The following MAF variants were observed in gnomAD, a reference collection of about 807,000 sequenced individuals.
The protein encoded by MAF is MAF bZIP transcription factor.
Under a neutral mutation model 22.0 loss-of-function variants are expected in MAF, and 10 were observed. The observed-to-expected ratio is 0.45, with a 90% CI of 0.28 to 0.77. The LOEUF (loss-of-function observed/expected upper bound fraction) is 0.77. MAF is among the 30% of genes least tolerant of loss of function. The pLI, the probability that MAF is intolerant of heterozygous loss-of-function variation, is 0.12. For synonymous variants in MAF, 337 were observed against 255.8 expected (o/e 1.32, Z -3.03); for missense variants, 544 against 548.4 (o/e 0.99, Z 0.08).
At chr16:79,498,896 C>T in the MAF span, among the ~76,000 whole-genome samples, 1 of 152,174 alleles carries the variant, frequency 6.6e-6, no homozygotes, top group African/African-American at 2.4e-5. Flanking sequence ...AGAGACACTT[C>T]AGCACCATCC....
the MAF span, among the ~76,000 whole-genome samples, chr16:79,309,647 T>G: frequency 5.3e-5 from 8 of 152,182 alleles, no homozygotes; most frequent in Non-Finnish European, 1.0e-4. Context: ...CAACAATCTC[T>G]GAGTCCCCAT....
the MAF span, among the ~76,000 whole-genome samples, chr16:79,371,607 G>A: frequency 6.6e-6 from 1 of 152,170 alleles, no homozygotes; most frequent in South Asian, 2.1e-4. Flanking sequence ...CACCTCAGAG[G>A]CTTCACATAT....
chr16:79,487,840 G>C, the MAF span, among the ~76,000 whole-genome samples: 1 of 152,116 alleles, frequency 6.6e-6, no homozygotes, highest in Non-Finnish European at 1.5e-5. Context: ...CCTTGCTCTT[G>C]ATGGTAAACA....
the MAF span, among the ~76,000 whole-genome samples, chr16:79,351,424 G>A: frequency 3.3e-5 from 5 of 152,112 alleles, no homozygotes; most frequent in South Asian, 2.1e-4. Context: ...CCAGGCTTGC[G>A]GGAGAGAGGT....
chr16:79,258,926 G>C, the MAF span, among the ~76,000 whole-genome samples: 1 of 152,120 alleles, frequency 6.6e-6, no homozygotes, highest in Non-Finnish European at 1.5e-5. Flanking sequence ...ATGGGACCCA[G>C]TCTCAGGCTG....
chr16:79,547,473 T>A, the MAF span, among the ~76,000 whole-genome samples: 1 of 152,060 alleles, frequency 6.6e-6, no homozygotes, highest in Non-Finnish European at 1.5e-5. Context: ...AGCATCCAAA[T>A]TTATACACAC....
chr16:79,438,400 T>C, the MAF span, among the ~76,000 whole-genome samples: 2 of 152,168 alleles, frequency 1.3e-5, no homozygotes, highest in Admixed American at 1.3e-4. Context: ...GTTTGAAATA[T>C]TAACTGGGGC....
the MAF span, among the ~76,000 whole-genome samples, chr16:79,297,399 T>C: frequency 1.7e-4 from 26 of 152,188 alleles, no homozygotes; most frequent in Admixed American, 1.7e-3. Flanking sequence ...CTTGATGCTA[T>C]GAAAACAGGG....
chr16:79,593,623 T>G (rs1478725578), downstream of MAF, among the ~76,000 whole-genome samples: 3 of 152,198 alleles, frequency 2.0e-5, no homozygotes, highest in Admixed American at 2.0e-4. Context: ...AGTGAGGAAA[T>G]GATGTCTCCG....
At chr16:79,344,388 G>C in the MAF span, among the ~76,000 whole-genome samples, 1 of 152,268 alleles carries the variant, frequency 6.6e-6, no homozygotes, top group South Asian at 2.1e-4. Context: ...AAATCTCTTG[G>C]GGTCCTAGTT....
the MAF span, among the ~76,000 whole-genome samples, chr16:79,287,456 G>A: frequency 6.6e-6 from 1 of 152,188 alleles, no homozygotes; most frequent in Non-Finnish European, 1.5e-5. Context: ...AGCAGCTGGC[G>A]GTAAAGACCT....
the MAF span, among the ~76,000 whole-genome samples, chr16:79,420,676 T>C: frequency 6.6e-6 from 1 of 152,216 alleles, no homozygotes; most frequent in Non-Finnish European, 1.5e-5. Flanking sequence ...AAGGCCTCTT[T>C]CCAAGGTTTC....
the MAF span, among the ~76,000 whole-genome samples, chr16:79,414,493 T>C: frequency 2.0e-4 from 31 of 152,328 alleles, no homozygotes; most frequent in African/African-American, 6.3e-4. Flanking sequence ...AAGCCATTCA[T>C]GAGGGATCTG....
chr16:79,461,509 C>T, the MAF span, among the ~76,000 whole-genome samples: 355 of 152,250 alleles, frequency 2.3e-3, no homozygotes, highest in South Asian at 6.4e-3. Flanking sequence ...AGCCCTCACG[C>T]GCCAGGCCAA....
the MAF span, among the ~76,000 whole-genome samples, chr16:79,446,899 G>A: frequency 3.5e-4 from 53 of 152,078 alleles, no homozygotes; most frequent in African/African-American, 1.3e-3. Flanking sequence ...CTGGGTGACA[G>A]AGTGAGACAC....
the MAF span, among the ~76,000 whole-genome samples, chr16:79,211,329 G>A: frequency 1.3e-5 from 2 of 152,168 alleles, no homozygotes; most frequent in Admixed American, 6.5e-5. Context: ...CTGCCACGAC[G>A]TATTGATATG....
At chr16:79,594,915 T>C in intron 1 of MAF, 1 of 1,146,244 alleles carries the variant, frequency 8.7e-7, no homozygotes, top group Non-Finnish European at 1.1e-6. Flanking sequence ...ACCTTGTAGA[T>C]TCCTATCAAA....
the MAF span, among the ~76,000 whole-genome samples, chr16:79,310,557 G>C: frequency 2.0e-5 from 3 of 152,142 alleles, no homozygotes; most frequent in Non-Finnish European, 4.4e-5. Context: ...TCCCAAAGAG[G>C]TGGCTCATCT....
chr16:79,482,633 G>C, the MAF span, among the ~76,000 whole-genome samples: 12 of 152,218 alleles, frequency 7.9e-5, no homozygotes, highest in African/African-American at 2.4e-4. Context: ...TCATTTCCAT[G>C]CAGCAGTGAA....
Sources: gnomAD v4.1 joint callset for allele counts (sites outside exome capture counted in the v4.1 genomes callset) on GRCh38, gnomAD v4.1.1 for gene constraint, MANE v1.5 for transcripts, NCBI Gene and HGNC (gene_info 2026-07-23, HGNC 2026-07-21) for gene names.